The following RALYL variants were observed in gnomAD, a reference collection of about 807,000 sequenced individuals.
The protein encoded by RALYL is RNA-binding Raly-like protein.
Under a neutral mutation model 35.1 loss-of-function variants are expected in RALYL, and 29 were observed. That is an observed-to-expected ratio of 0.83 (90% CI 0.61 to 1.13). The LOEUF is 1.13. RALYL is among the 50% of genes most tolerant of loss of function. The pLI, the probability that RALYL is intolerant of heterozygous loss-of-function variation, is 0.00. For synonymous variants in RALYL, 120 were observed against 127.6 expected (o/e 0.94, Z 0.40); for missense variants, 359 against 360.4 (o/e 1.00, Z 0.03).
At chr8:84,735,430 G>A (rs1032361595) in intron 2 of RALYL, among the ~76,000 whole-genome samples, 1 of 151,862 alleles carries the variant, frequency 6.6e-6, no homozygotes, top group East Asian at 1.9e-4. Flanking sequence ...ATTCTATTAT[G>A]CATGGCTTCA....
At chr8:84,432,834 G>T (rs566111742) in intron 1 of RALYL, among the ~76,000 whole-genome samples, 4 of 152,090 alleles carry the variant, frequency 2.6e-5, no homozygotes, top group South Asian at 4.1e-4. Flanking sequence ...AGGCAAGAAA[G>T]GTTCCTACCC....
intron 1 of RALYL, among the ~76,000 whole-genome samples, chr8:84,187,103 A>T (rs540404956): frequency 5.3e-5 from 8 of 152,220 alleles, no homozygotes; most frequent in Non-Finnish European, 8.8e-5. Context: ...GTGGGGACTG[A>T]GGGAAATAAG....
rs138043937 is a variant in RALYL, at chr8:84,304,210, C to T, written c.-24+119786C>T. 4.8e-3 allele frequency among the ~76,000 whole-genome samples: 736 copies of T among 152,170 alleles called. 7 individuals carry two copies. The highest frequency in any genetic ancestry group is 0.016 in the African/African-American group (673 of 41,516). On this transcript the variant is annotated intron_variant, in intron 1 of 8. Coordinates refer to ENST00000521268, the MANE Select transcript of RALYL (RefSeq NM_173848.7). Reference sequence around the variant, plus strand: ...TCAGCTCACTGCGACCTCCACCTCCCGGGTTCACGCCATTGTCCTGCCTCA... The same window carrying T: ...TCAGCTCACTGCGACCTCCACCTCCTGGGTTCACGCCATTGTCCTGCCTCA...
At chr8:84,834,907 T>C (rs1831642741) in intron 4 of RALYL, among the ~76,000 whole-genome samples, 1 of 152,224 alleles carries the variant, frequency 6.6e-6, no homozygotes, top group Non-Finnish European at 1.5e-5. Flanking sequence ...TTTTCAGAGC[T>C]TATGATCTAG....
intron 3 of RALYL, among the ~76,000 whole-genome samples, chr8:84,786,311 T>C (rs781045208): frequency 6.6e-6 from 1 of 152,214 alleles, no homozygotes; most frequent in African/African-American, 2.4e-5. Flanking sequence ...ATCCTTATAA[T>C]AGAACGATTT....
chr8:84,666,525 G>A (rs574753842), intron 2 of RALYL, among the ~76,000 whole-genome samples: 1 of 152,140 alleles, frequency 6.6e-6, no homozygotes, highest in Admixed American at 6.6e-5. Context: ...AATTTATCCT[G>A]GCCCCGCATT....
chr8:84,841,966 C>T (rs529239441), intron 4 of RALYL, among the ~76,000 whole-genome samples: 17 of 152,184 alleles, frequency 1.1e-4, no homozygotes, highest in African/African-American at 3.6e-4. Context: ...ACATTCAAAG[C>T]AGTGTGTAGA....
intron 1 of RALYL, among the ~76,000 whole-genome samples, chr8:84,243,854 G>A (rs1381471646): frequency 6.6e-6 from 1 of 152,148 alleles, no homozygotes; most frequent in Non-Finnish European, 1.5e-5. Flanking sequence ...TGCACTATAA[G>A]TTAGGAGTCT....
chr8:84,762,226 A>C (rs1341808986), intron 2 of RALYL, among the ~76,000 whole-genome samples: 2 of 152,216 alleles, frequency 1.3e-5, no homozygotes, highest in Non-Finnish European at 1.5e-5. Flanking sequence ...TCTTGTTTAC[A>C]CAACAGCTAG....
At chr8:84,811,416 A>G (rs1162199738) in intron 4 of RALYL, among the ~76,000 whole-genome samples, 1 of 152,184 alleles carries the variant, frequency 6.6e-6, no homozygotes, top group African/African-American at 2.4e-5. Flanking sequence ...TTTGTAGGTT[A>G]CCTGGTGCTT....
At chr8:84,424,618 G>A (rs1407976691) in intron 1 of RALYL, among the ~76,000 whole-genome samples, 3 of 151,592 alleles carry the variant, frequency 2.0e-5, no homozygotes, top group Non-Finnish European at 2.9e-5. Context: ...TGGAGGAGGA[G>A]AGACGCTCTG....
At chr8:84,316,172 A>G (rs981375296) in intron 1 of RALYL, among the ~76,000 whole-genome samples, 15 of 152,092 alleles carry the variant, frequency 9.9e-5, no homozygotes, top group African/African-American at 3.4e-4. Flanking sequence ...AATAACAACT[A>G]TAACTTTGTT....
intron 8 of RALYL, among the ~76,000 whole-genome samples, chr8:84,910,072 C>A (rs1009551397): frequency 1.3e-5 from 2 of 152,050 alleles, no homozygotes; most frequent in African/African-American, 4.8e-5. Flanking sequence ...GAGGCTGTGT[C>A]ACAGTAGAGA....
At chr8:84,888,120 T>C (rs1420296742) in intron 8 of RALYL, among the ~76,000 whole-genome samples, 2 of 152,226 alleles carry the variant, frequency 1.3e-5, no homozygotes, top group Non-Finnish European at 2.9e-5. Flanking sequence ...AATATCCTGG[T>C]AACAAACTAC....
intron 2 of RALYL, among the ~76,000 whole-genome samples, chr8:84,625,832 C>A (rs867906888): frequency 2.6e-5 from 4 of 152,086 alleles, no homozygotes; most frequent in Admixed American, 2.0e-4. Flanking sequence ...AGAGCTGGAA[C>A]CTTAACCAGT....
intron 1 of RALYL, among the ~76,000 whole-genome samples, chr8:84,492,305 C>T (rs2055413931): frequency 6.6e-6 from 1 of 152,024 alleles, no homozygotes; most frequent in African/African-American, 2.4e-5. Flanking sequence ...TCTTAAGAAA[C>T]CTAATTTATG....
chr8:84,269,857 G>A (rs190762917), intron 1 of RALYL, among the ~76,000 whole-genome samples: 93 of 152,074 alleles, frequency 6.1e-4, no homozygotes, highest in Non-Finnish European at 1.1e-3. Context: ...TACTATAGAA[G>A]TTTAGTTGAA....
At chr8:84,715,421 G>T (rs183330010) in intron 2 of RALYL, among the ~76,000 whole-genome samples, 77 of 151,910 alleles carry the variant, frequency 5.1e-4, no homozygotes, top group African/African-American at 1.7e-3. Flanking sequence ...TATGAACATT[G>T]AGTGGAGTTA....
At chr8:84,816,528 A>ATAAT (rs1827329135) in intron 4 of RALYL, among the ~76,000 whole-genome samples, 2 of 152,358 alleles carry the variant, frequency 1.3e-5, no homozygotes, top group East Asian at 3.9e-4. Flanking sequence ...CTGTATCAGA[A>ATAAT]TAATTTAACT....
Sources: allele counts gnomAD v4.1 joint callset (sites outside exome capture counted in the v4.1 genomes callset), GRCh38; gene constraint gnomAD v4.1.1; transcripts MANE v1.5; gene names NCBI Gene and HGNC (gene_info 2026-07-23, HGNC 2026-07-21).